Variants in DRD3 observed in about 807,000 individuals in gnomAD.
DRD3 encodes D(3) dopamine receptor.
DRD3 carries 19 observed loss-of-function variants against 36.3 expected under a neutral mutation model. The ratio of observed to expected loss-of-function variants is 0.52; its 90% CI spans 0.36 to 0.77. DRD3 has a LOEUF of 0.77. Among genes scored for constraint, DRD3 ranks in the 30% least tolerant of loss-of-function variants. DRD3 has a pLI of 0.00. For synonymous variants in DRD3, 195 were observed against 203.7 expected, an observed-to-expected ratio of 0.96 and a Z score of 0.36; for missense variants, 465 against 505.3, an observed-to-expected ratio of 0.92 and a Z score of 0.77.
At chr3:114,146,212 C>T (rs2077568246) in intron 4 of DRD3, among the ~76,000 whole-genome samples, 2 of 152,178 alleles carry the variant, frequency 1.3e-5, no homozygotes, top group South Asian at 4.1e-4. Context: ...TCTGCATACA[C>T]ACAAGCACAT....
At chr3:114,163,746 A>G (rs897043411) in intron 2 of DRD3, among the ~76,000 whole-genome samples, 10 of 152,114 alleles carry the variant, frequency 6.6e-5, no homozygotes, top group Non-Finnish European at 1.5e-4. Context: ...TGTTCCCAGG[A>G]TCTCAGAATA....
chr3:114,172,621 A>G (rs2077858003), intron 1 of DRD3, among the ~76,000 whole-genome samples: 1 of 152,138 alleles, frequency 6.6e-6, no homozygotes. Context: ...ACTCTGAGTG[A>G]GATGGGAAGC....
intron 2 of DRD3, among the ~76,000 whole-genome samples, chr3:114,160,148 G>T (rs940540409): frequency 1.3e-5 from 2 of 152,082 alleles, no homozygotes; most frequent in African/African-American, 4.8e-5. Context: ...TCCACAGTGG[G>T]GTGTTTATTA....
intron 1 of DRD3, among the ~76,000 whole-genome samples, chr3:114,195,317 G>A (rs1380514869): frequency 6.6e-6 from 1 of 152,140 alleles, no homozygotes; most frequent in African/African-American, 2.4e-5. Flanking sequence ...ATAAAATGAA[G>A]ACTAGGTACA....
rs934523314 is a variant in DRD3 at position 114,129,235 on chromosome 3, C to T, written c.1007-323G>A. ...GTGCGTGCCTATAAGCCCAGCTACT[C>T]GGGAAGCTGGGGCAGGAGAGTTGCT... On this transcript the variant is annotated intron_variant, in intron 6 of 6. Coordinates refer to ENST00000383673, the MANE Select transcript of DRD3 (RefSeq NM_000796.6). Among the ~76,000 whole-genome samples, 27 of 152,046 alleles carry T rather than the reference C, an allele frequency of 1.8e-4. 1 individual carries two copies. Among genetic ancestry groups the T allele is most frequent in the African/African-American group, 5.1e-4 (21 of 41,484 alleles).
chr3:114,190,412 AT>A (rs2077998509), intron 1 of DRD3, among the ~76,000 whole-genome samples: 6 of 3,330 alleles, frequency 1.8e-3, no homozygotes, highest in Non-Finnish European at 3.9e-3. Flanking sequence ...AAAAAGGATA[AT>A]ATATATATAT....
At chr3:114,192,268 T>C (rs1402565351) in intron 1 of DRD3, among the ~76,000 whole-genome samples, 2 of 152,190 alleles carry the variant, frequency 1.3e-5, no homozygotes, top group East Asian at 1.9e-4. Flanking sequence ...ATTATTGTTT[T>C]GCTTCTTGGA....
At chr3:114,136,610 G>C (rs951813086) in intron 5 of DRD3, among the ~76,000 whole-genome samples, 1 of 152,170 alleles carries the variant, frequency 6.6e-6, no homozygotes, top group African/African-American at 2.4e-5. Flanking sequence ...AGCTATTATC[G>C]TTTAAAATGA....
chr3:114,188,113 T>C (rs928181374), intron 1 of DRD3, among the ~76,000 whole-genome samples: 1 of 152,002 alleles, frequency 6.6e-6, no homozygotes, highest in Non-Finnish European at 1.5e-5. Flanking sequence ...CCCTTCTCAA[T>C]TGAATGAAAT....
intron 5 of DRD3, among the ~76,000 whole-genome samples, chr3:114,137,357 T>C (rs2077483527): frequency 6.6e-6 from 1 of 152,166 alleles, no homozygotes; most frequent in South Asian, 2.1e-4. Context: ...TAGTTGTGGG[T>C]CTAGCCATGT....
Position 114,173,727 on chromosome 3 carries a change from C to T in DRD3, c.-35-1700G>A, listed in dbSNP as rs546489347. On this transcript the variant is annotated intron_variant, in intron 1 of 6. Transcript: ENST00000383673. ...TCAAACTTGGCCTTCCATGTTGTTA[C>T]GAAGGTGTATTTGTCAAGGTGGGAG... is the stretch of plus-strand genomic sequence containing the variant. Among the ~76,000 whole-genome samples the T allele has an allele frequency of 7.9e-5, 12 of 152,210 alleles. No individual in the cohort carries two copies. In the East Asian group the frequency reaches 1.5e-3, roughly 20 times the overall value.
chr3:114,171,631 C>G, intron 2 of DRD3, 92 bp downstream of exon 2: 1 of 1,427,600 alleles, frequency 7.0e-7, no homozygotes. Context: ...TCCTGACTGT[C>G]TGGGGAGTCT....
chr3:114,156,905 T>C (rs2077685045), intron 3 of DRD3, among the ~76,000 whole-genome samples: 1 of 148,506 alleles, frequency 6.7e-6, no homozygotes, highest in Non-Finnish European at 1.5e-5. Flanking sequence ...CTTTTCTTCC[T>C]TCCTTCTTTC....
intron 1 of DRD3, 25 bp from the exon 2 acceptor site, chr3:114,172,052 TA>T (rs1285095626): frequency 7.3e-7 from 1 of 1,360,938 alleles, no homozygotes; most frequent in Non-Finnish European, 9.5e-7. Flanking sequence ...AAAACAATAT[TA>T]ATAAAATCAG....
intron 1 of DRD3, among the ~76,000 whole-genome samples, chr3:114,175,412 A>G (rs138185854): frequency 5.3e-5 from 8 of 152,312 alleles, no homozygotes; most frequent in Admixed American, 1.3e-4. Flanking sequence ...TAATGTCATC[A>G]TGTCAACATT....
At chr3:114,167,509 C>CT (rs549086198) in intron 2 of DRD3, among the ~76,000 whole-genome samples, 93 of 152,342 alleles carry the variant, frequency 6.1e-4, no homozygotes, top group African/African-American at 2.1e-3. Context: ...ATATAATCTT[C>CT]TGTGAGGTCA....
intron 1 of DRD3, among the ~76,000 whole-genome samples, chr3:114,192,260 T>C (rs1028320785): frequency 2.0e-5 from 3 of 152,134 alleles, no homozygotes; most frequent in Non-Finnish European, 2.9e-5. Flanking sequence ...CTATGAAAAT[T>C]ATTGTTTTGC....
In DRD3 at chr3:114,128,812, T is replaced by C; in HGVS notation, c.1107A>G (p.Thr369=). The C allele has an allele frequency of 1.2e-6, 2 of 1,614,064 alleles. No individual in the cohort carries two copies. The highest frequency in any genetic ancestry group is 2.2e-5 in the South Asian group (2 of 91,070). The change falls in exon 7 of 7, where the codon ACA becomes ACG. Residue 369 remains threonine (T), a synonymous_variant. Coordinates refer to ENST00000383673, the MANE Select transcript of DRD3 (RefSeq NM_000796.6). ...GGGCGCTATTCACGTAGCCCAGCCA[T>C]GTCGTGGCACTGTAAAGCTCTGGGG... ...HVSPELYSAT[T]WLGYVNSALN...
At chr3:114,130,985 T>C (rs2077424268) in intron 6 of DRD3, 133 bp downstream of exon 6, 16 of 1,187,722 alleles carry the variant, frequency 1.3e-5, no homozygotes, top group Non-Finnish European at 1.7e-5. Flanking sequence ...TATACACAAA[T>C]ACTTTTCAAT....
Sources: gnomAD v4.1 joint callset for allele counts (sites outside exome capture counted in the v4.1 genomes callset) on GRCh38, gnomAD v4.1.1 for gene constraint, MANE v1.5 for transcripts, NCBI Gene and HGNC (gene_info 2026-07-23, HGNC 2026-07-21) for gene names.